Variants in GOLM2 observed in about 807,000 individuals in gnomAD.
GOLM2 encodes the protein golgi membrane protein 2, also known as protein GOLM2.
In GOLM2, 26 loss-of-function variants were observed where a neutral mutation model predicts 55.9. The observed-to-expected ratio is 0.47, with a 90% CI of 0.34 to 0.65. The LOEUF (loss-of-function observed/expected upper bound fraction) is 0.65, where lower values mean the gene tolerates loss of function less well. GOLM2 is among the 30% of genes least tolerant of loss of function. The pLI is 0.01. For missense variants in GOLM2, 486 were observed against 531.8 expected (o/e 0.91, Z 0.85); for synonymous variants, 165 against 194.6 (o/e 0.85, Z 1.27).
At chr15:44,315,198 A>C (rs1239764378) in intron 1 of GOLM2, among the ~76,000 whole-genome samples, 1 of 152,230 alleles carries the variant, frequency 6.6e-6, no homozygotes, top group Non-Finnish European at 1.5e-5. Context: ...TACAGAAGAT[A>C]GACTTGTCTC....
At chr15:44,386,676 GC>G (rs2079446326) in intron 8 of GOLM2, among the ~76,000 whole-genome samples, 1 of 152,080 alleles carries the variant, frequency 6.6e-6, no homozygotes, top group Non-Finnish European at 1.5e-5. Context: ...TTCAAGACCA[GC>G]CTGGGCAACG....
intron 1 of GOLM2, among the ~76,000 whole-genome samples, chr15:44,303,633 A>G (rs904328979): frequency 6.6e-6 from 1 of 151,810 alleles, no homozygotes; most frequent in African/African-American, 2.4e-5. Context: ...TGGCATGATC[A>G]TGGCTCACTG....
intron 1 of GOLM2, among the ~76,000 whole-genome samples, chr15:44,293,738 G>A (rs574792386): frequency 9.9e-5 from 15 of 152,140 alleles, no homozygotes; most frequent in Non-Finnish European, 1.3e-4. Context: ...ATCACCTGGC[G>A]TGAGATAGTG....
intron 9 of GOLM2, among the ~76,000 whole-genome samples, chr15:44,411,602 G>T (rs943649770): frequency 6.6e-6 from 1 of 152,108 alleles, no homozygotes; most frequent in Non-Finnish European, 1.5e-5. Context: ...AGTACTTTGG[G>T]TGGCTGAGGC....
intron 1 of GOLM2, among the ~76,000 whole-genome samples, chr15:44,315,054 C>G (rs1244813633): frequency 6.6e-6 from 1 of 152,202 alleles, no homozygotes; most frequent in African/African-American, 2.4e-5. Context: ...GGCTGCTTAT[C>G]AGAATCACGT....
At chr15:44,295,599 T>C (rs1310711071) in intron 1 of GOLM2, among the ~76,000 whole-genome samples, 1 of 152,212 alleles carries the variant, frequency 6.6e-6, no homozygotes, top group African/African-American at 2.4e-5. Flanking sequence ...TTTTCTCACA[T>C]TTTTGAAGGT....
chr15:44,344,573 T>A (rs2079110947), intron 6 of GOLM2, among the ~76,000 whole-genome samples: 1 of 151,958 alleles, frequency 6.6e-6, no homozygotes, highest in African/African-American at 2.4e-5. Flanking sequence ...TTTAAACTTT[T>A]AAAATCTTTT....
chr15:44,384,548 C>T (rs536328704), intron 8 of GOLM2, among the ~76,000 whole-genome samples: 1 of 152,118 alleles, frequency 6.6e-6, no homozygotes, highest in African/African-American at 2.4e-5. Flanking sequence ...AGTTTGAGAC[C>T]ATCCTGGCTA....
chr15:44,403,202 GC>G, intron 9 of GOLM2, 148 bp downstream of exon 9: 1 of 855,906 alleles, frequency 1.2e-6, no homozygotes. Context: ...CGCTTTTGTT[GC>G]CCAGGCTGGA....
intron 9 of GOLM2, among the ~76,000 whole-genome samples, chr15:44,403,894 CA>C (rs2141216070): frequency 1.3e-5 from 2 of 152,250 alleles, no homozygotes; most frequent in East Asian, 3.9e-4. Context: ...ATTTAACAAT[CA>C]ATATGTGAAG....
chr15:44,341,852 G>A (rs988937144), intron 6 of GOLM2, among the ~76,000 whole-genome samples: 5 of 151,492 alleles, frequency 3.3e-5, no homozygotes, highest in African/African-American at 1.2e-4. Context: ...CCACCACCAC[G>A]CCCGGCTAAT....
intron 1 of GOLM2, among the ~76,000 whole-genome samples, chr15:44,310,349 A>G (rs1362852141): frequency 1.3e-5 from 2 of 151,806 alleles, no homozygotes; most frequent in Non-Finnish European, 2.9e-5. Context: ...CCAACTAAAA[A>G]GACTTGGAAA....
chr15:44,369,199 T>C (rs1957056818), intron 6 of GOLM2, among the ~76,000 whole-genome samples: 1 of 126,976 alleles, frequency 7.9e-6, no homozygotes, highest in East Asian at 2.5e-4. Context: ...TGTGTATATA[T>C]ATATATATGT....
Position 44,413,451 on chromosome 15 carries a change from A to T in GOLM2, c.*45A>T, listed in dbSNP as rs767227838. 1.5e-6 allele frequency: 2 copies of T among 1,351,182 alleles called. No homozygotes were observed. The highest frequency in any genetic ancestry group is 2.1e-6 in the Non-Finnish European group (2 of 951,374). 83.7% of individuals were successfully genotyped at this position (1,351,182 alleles called of 1,614,324 possible). ...GAAAACCTAAAGTGCTGTAAAATGA[A>T]ATCATTCTACTTTGTCCTTTCTGAC... On this transcript the variant is annotated 3_prime_UTR_variant, in exon 10 of 10. Coordinates refer to ENST00000299957, the MANE Select transcript of GOLM2 (RefSeq NM_138423.4).
intron 8 of GOLM2, among the ~76,000 whole-genome samples, chr15:44,397,508 CCACACACACACA>C (rs10695192): frequency 7.7e-6 from 1 of 130,006 alleles, no homozygotes; most frequent in Non-Finnish European, 1.6e-5. Flanking sequence ...AAAAACAAAA[CCACACACACACA>C]CACACACACA....
chr15:44,294,387 G>C (rs2078741406), intron 1 of GOLM2, among the ~76,000 whole-genome samples: 1 of 151,852 alleles, frequency 6.6e-6, no homozygotes, highest in Non-Finnish European at 1.5e-5. Flanking sequence ...AGACCACCCT[G>C]ACTAACATGG....
chr15:44,339,687 T>G (rs894671388), intron 6 of GOLM2, among the ~76,000 whole-genome samples: 2 of 152,098 alleles, frequency 1.3e-5, no homozygotes. Flanking sequence ...CATGCTGGAG[T>G]GCAGTGGTGC....
At chr15:44,316,763 A>AC (rs1449878692) in intron 1 of GOLM2, among the ~76,000 whole-genome samples, 1 of 151,838 alleles carries the variant, frequency 6.6e-6, no homozygotes, top group East Asian at 1.9e-4. Context: ...TCAAAAAAAA[A>AC]AAAAACAAAA....
chr15:44,351,509 A>G (rs1458560318), intron 6 of GOLM2, among the ~76,000 whole-genome samples: 2 of 149,992 alleles, frequency 1.3e-5, no homozygotes, highest in Admixed American at 1.3e-4. Context: ...CCCGGGAGGC[A>G]CAGCTTGCAG....
Sources: allele counts gnomAD v4.1 joint callset (sites outside exome capture counted in the v4.1 genomes callset), GRCh38; gene constraint gnomAD v4.1.1; transcripts MANE v1.5; gene names NCBI Gene and HGNC (gene_info 2026-07-23, HGNC 2026-07-21).